DLC1: variants seen among roughly 807,000 people sequenced by gnomAD.
DLC1 encodes the protein rho GTPase-activating protein 7.
Under a neutral mutation model 140.3 loss-of-function variants are expected in DLC1, and 54 were observed. The ratio of observed to expected loss-of-function variants is 0.38; its 90% CI spans 0.31 to 0.48. The LOEUF (loss-of-function observed/expected upper bound fraction) is 0.48, where lower values mean the gene tolerates loss of function less well. Among genes scored for constraint, DLC1 ranks in the 20% least tolerant of loss-of-function variants. The probability of loss-of-function intolerance (pLI) is 0.96; values close to 1 mark genes in which losing one functional copy is unlikely to be tolerated. For synonymous variants in DLC1, 986 were observed against 728.1 expected (o/e 1.35, Z -5.70); for missense variants, 2,536 against 1,907.0 (o/e 1.33, Z -6.14).
rs1554540006 is a variant in DLC1, at chr8:13,535,669, T to TTAA, written c.-125-35474_-125-35473insTTA. 1.2e-3 allele frequency among the ~76,000 whole-genome samples: 143 copies of TTAA among 114,660 alleles called. 2 individuals carry two copies. Among genetic ancestry groups the TTAA allele is most frequent in the African/African-American group, 2.0e-3 (55 of 26,854 alleles). The allele number at this position is 114,660 out of a possible 152,430, so 75.2% of individuals were successfully genotyped here. On this transcript the variant is annotated intron_variant, in intron 1 of 1. Transcript: ENST00000631382. ...TGAGGGCGTGGGGATCATTGCTCAT[T>TTAA]AAAAAAAAAAAAAAAGAAAAGAAAA... is the stretch of plus-strand genomic sequence containing the variant.
chr8:13,224,088 T>C (rs1192438972), intron 5 of DLC1, among the ~76,000 whole-genome samples: 1 of 152,190 alleles, frequency 6.6e-6, no homozygotes, highest in African/African-American at 2.4e-5. Context: ...CAAAAACAAC[T>C]TTTTCCTTTG....
chr8:13,164,476 T>C (rs946657210), intron 5 of DLC1, among the ~76,000 whole-genome samples: 6 of 152,162 alleles, frequency 3.9e-5, no homozygotes, highest in African/African-American at 1.4e-4. Context: ...GGCTGGTAGT[T>C]GGGTCATATG....
intron 5 of DLC1, among the ~76,000 whole-genome samples, chr8:13,121,421 C>T (rs1821049842): frequency 6.6e-6 from 1 of 152,164 alleles, no homozygotes; most frequent in African/African-American, 2.4e-5. Context: ...CCATCTTTAC[C>T]TGATGGGTGG....
chr8:13,127,417 G>C (rs1474778230), intron 5 of DLC1, among the ~76,000 whole-genome samples: 1 of 152,142 alleles, frequency 6.6e-6, no homozygotes. Flanking sequence ...CCAAGTTCTG[G>C]AACTTCCCAT....
At chr8:13,166,295 G>T (rs1460687455) in intron 5 of DLC1, among the ~76,000 whole-genome samples, 2 of 152,076 alleles carry the variant, frequency 1.3e-5, no homozygotes, top group African/African-American at 4.8e-5. Context: ...CAGGGCTATG[G>T]ACCATTAACT....
intron 4 of DLC1, among the ~76,000 whole-genome samples, chr8:13,319,089 A>G (rs1052698688): frequency 1.3e-5 from 2 of 152,198 alleles, no homozygotes; most frequent in African/African-American, 2.4e-5. Context: ...TAACGGGTCT[A>G]TTTATACCTA....
chr8:13,532,404 A>G (rs1803128960), intron 1 of DLC1, among the ~76,000 whole-genome samples: 1 of 152,354 alleles, frequency 6.6e-6, no homozygotes, highest in Middle Eastern at 3.4e-3. Context: ...GAATAAGAAC[A>G]TGAATGGCAA....
At chr8:13,089,894 G>C (rs915511314) in intron 15 of DLC1, among the ~76,000 whole-genome samples, 7 of 152,198 alleles carry the variant, frequency 4.6e-5, no homozygotes, top group Non-Finnish European at 8.8e-5. Context: ...ACAGAGAAGA[G>C]TGCAAAGGGA....
At chr8:13,436,511 C>T (rs756650232) in intron 2 of DLC1, among the ~76,000 whole-genome samples, 3 of 152,030 alleles carry the variant, frequency 2.0e-5, no homozygotes, top group Admixed American at 6.6e-5. Context: ...AAAACAGGTT[C>T]TTAGATTTTT....
chr8:13,574,434 A>G lies in DLC1; in HGVS notation c.-126+30103T>C, dbSNP rs1384767056. Among the ~76,000 whole-genome samples the G allele has an allele frequency of 2.6e-5, 4 of 152,198 alleles. No individual in the cohort carries two copies. The East Asian group carries it at 7.7e-4, about 29-fold the overall frequency. ...CTTGAATATATTCAAAGGGGGTTGG[A>G]TATCTTTTCTCCAAATACTCTATAG... On this transcript the variant is annotated intron_variant, in intron 1 of 1. Coordinates refer to the DLC1 transcript ENST00000631382.
At chr8:13,538,848 C>G (rs13257716) in intron 1 of DLC1, among the ~76,000 whole-genome samples, 3,553 of 152,302 alleles carry the variant, frequency 0.023, 65 homozygotes, top group Non-Finnish European at 0.035. Context: ...AAATAGTCCT[C>G]TCTACTATCC....
chr8:13,452,677 G>A (rs941726518), intron 2 of DLC1, among the ~76,000 whole-genome samples: 10 of 152,110 alleles, frequency 6.6e-5, no homozygotes, highest in African/African-American at 2.4e-4. Context: ...CTCACATATA[G>A]CAAAAATATT....
intron 16 of DLC1, among the ~76,000 whole-genome samples, chr8:13,087,694 G>A (rs1211768472): frequency 6.6e-6 from 1 of 152,198 alleles, no homozygotes; most frequent in Middle Eastern, 3.2e-3. Context: ...AAATGTCTTG[G>A]AACACAGACA....
At chr8:13,470,039 A>T (rs537439335) in intron 2 of DLC1, among the ~76,000 whole-genome samples, 1 of 152,258 alleles carries the variant, frequency 6.6e-6, no homozygotes, top group Admixed American at 6.5e-5. Context: ...CTAACAATAA[A>T]TTCCCTTGTG....
intron 5 of DLC1, among the ~76,000 whole-genome samples, chr8:13,241,830 C>T (rs1829556854): frequency 6.6e-6 from 1 of 152,046 alleles, no homozygotes; most frequent in African/African-American, 2.4e-5. Flanking sequence ...TTGGTATATC[C>T]AGACCCCGGG....
intron 1 of DLC1, among the ~76,000 whole-genome samples, chr8:13,580,133 A>AT (rs763432115): frequency 2.2e-4 from 30 of 137,632 alleles, no homozygotes; most frequent in Non-Finnish European, 3.2e-4. Flanking sequence ...TTATTTTTTT[A>AT]TTTTTTTGAG....
intron 4 of DLC1, among the ~76,000 whole-genome samples, chr8:13,332,113 G>A (rs969537521): frequency 1.3e-5 from 2 of 152,158 alleles, no homozygotes; most frequent in Admixed American, 6.5e-5. Context: ...GACATGGAAT[G>A]TAATTGCTTA....
intron 1 of DLC1, among the ~76,000 whole-genome samples, chr8:13,562,600 G>T (rs753788536): frequency 6.6e-6 from 1 of 152,134 alleles, no homozygotes; most frequent in African/African-American, 2.4e-5. Flanking sequence ...GGGAACAGAT[G>T]CTCCCATACA....
At chr8:13,501,738 C>T (rs1478675901) in intron 1 of DLC1, among the ~76,000 whole-genome samples, 2 of 152,150 alleles carry the variant, frequency 1.3e-5, no homozygotes, top group Admixed American at 6.6e-5. Flanking sequence ...AGGTCTGTGG[C>T]CATCTTGAAA....
Sources: gnomAD v4.1 joint callset for allele counts (sites outside exome capture counted in the v4.1 genomes callset) on GRCh38, gnomAD v4.1.1 for gene constraint, MANE v1.5 for transcripts, NCBI Gene and HGNC (gene_info 2026-07-23, HGNC 2026-07-21) for gene names.